GPM6B: variants seen among roughly 807,000 people sequenced by gnomAD.
GPM6B encodes glycoprotein M6B.
In GPM6B, 4 loss-of-function variants were observed where a neutral mutation model predicts 27.2. That is an observed-to-expected ratio of 0.15 (90% CI 0.07 to 0.34). The LOEUF (loss-of-function observed/expected upper bound fraction) is 0.34, where lower values mean the gene tolerates loss of function less well. GPM6B is among the 10% of genes least tolerant of loss of function. GPM6B has a pLI of 1.00. For missense variants in GPM6B, 183 were observed against 261.9 expected, an observed-to-expected ratio of 0.70 and a Z score of 2.08; for synonymous variants, 124 against 103.1, an observed-to-expected ratio of 1.20 and a Z score of -1.23.
At position 13,790,423 on chromosome X, in the gene GPM6B, G is replaced by A. The variant is rs150782529; in HGVS notation, c.182-4615C>T. Among the ~76,000 whole-genome samples the A allele has an allele frequency of 1.3e-3, 146 of 112,285 alleles. 1 individual carries two copies. Among genetic ancestry groups the A allele is most frequent in the Non-Finnish European group, 2.1e-3 (114 of 53,272 alleles). On this transcript the variant is annotated intron_variant, in intron 2 of 7. Transcript: ENST00000316715. ...GAGGAACTTGTGAGAAATAAAGAAT[G>A]TTGGAAGTGACCCCAGACTGAGTCA...
At chrX:13,887,099 G>A (rs1310514555) in intron 1 of GPM6B, among the ~76,000 whole-genome samples, 1 of 112,285 alleles carries the variant, frequency 8.9e-6, no homozygotes, top group Non-Finnish European at 1.9e-5. Context: ...GATTACAGGC[G>A]TGAGTCACTG....
chrX:13,832,149 G>C (rs1297545305), intron 1 of GPM6B, among the ~76,000 whole-genome samples: 1 of 111,486 alleles, frequency 9.0e-6, no homozygotes, highest in Non-Finnish European at 1.9e-5. Context: ...CTGGCAGGGT[G>C]GATTCAGGTG....
intron 1 of GPM6B, among the ~76,000 whole-genome samples, chrX:13,889,291 T>C (rs574439874): frequency 9.0e-6 from 1 of 111,692 alleles, no homozygotes; most frequent in Non-Finnish European, 1.9e-5. Context: ...TAAATACAAA[T>C]GTGTGGATAA....
intron 5 of GPM6B, 113 bp from the exon 6 acceptor site, chrX:13,777,538 T>C: frequency 1.9e-6 from 1 of 516,386 alleles, no homozygotes; most frequent in South Asian, 3.0e-5. Flanking sequence ...ATGTTCTTCA[T>C]TAAGAATTGA....
intron 1 of GPM6B, among the ~76,000 whole-genome samples, chrX:13,833,288 CTAT>C (rs2049458501): frequency 9.0e-6 from 1 of 111,708 alleles, no homozygotes; most frequent in Admixed American, 9.5e-5. Flanking sequence ...AATGTATTTT[CTAT>C]TTTTAGATAG....
intron 2 of GPM6B, among the ~76,000 whole-genome samples, chrX:13,793,129 A>G (rs1198690610): frequency 9.0e-6 from 1 of 110,904 alleles, no homozygotes; most frequent in East Asian, 2.8e-4. Context: ...AGAGACATTT[A>G]CAATCTATTC....
intron 1 of GPM6B, among the ~76,000 whole-genome samples, chrX:13,874,747 A>C (rs1332230918): frequency 9.0e-6 from 1 of 110,762 alleles, no homozygotes; most frequent in Non-Finnish European, 1.9e-5. Context: ...CAAAAACAAA[A>C]AAACACAGAC....
intron 2 of GPM6B, among the ~76,000 whole-genome samples, chrX:13,788,673 C>T (rs1461428934): frequency 9.1e-6 from 1 of 110,074 alleles, no homozygotes; most frequent in Non-Finnish European, 1.9e-5. Context: ...CCTTCCAAAT[C>T]CACAGTTGCC....
intron 2 of GPM6B, among the ~76,000 whole-genome samples, chrX:13,797,444 G>A (rs55989911): frequency 0.29 from 32,325 of 110,277 alleles, 3,644 homozygotes; most frequent in Non-Finnish European, 0.34. Context: ...CACAAAGGAA[G>A]GACAGCAGGA....
intron 1 of GPM6B, among the ~76,000 whole-genome samples, chrX:13,826,235 TGA>T (rs1411507469): frequency 4.5e-5 from 5 of 110,201 alleles, no homozygotes; most frequent in African/African-American, 6.6e-5. Flanking sequence ...TGAGTAGGGC[TGA>T]GTTTCCAGGG....
chrX:13,821,027 C>T (rs187676093), upstream of GPM6B, among the ~76,000 whole-genome samples: 81 of 111,121 alleles, frequency 7.3e-4, 1 homozygote, highest in Admixed American at 2.9e-3. Flanking sequence ...TCATGAAATT[C>T]GAGAAAGGTT....
At chrX:13,867,730 A>G (rs1200830058) in intron 1 of GPM6B, among the ~76,000 whole-genome samples, 1 of 111,905 alleles carries the variant, frequency 8.9e-6, no homozygotes, top group Non-Finnish European at 1.9e-5. Flanking sequence ...GGAGGACCTG[A>G]AAAGGTCATG....
intron 2 of GPM6B, among the ~76,000 whole-genome samples, chrX:13,804,428 GGGGGC>G (rs1294783468): frequency 6.3e-5 from 5 of 79,012 alleles, no homozygotes; most frequent in South Asian, 1.1e-3. Flanking sequence ...GGGGGGGGCG[GGGGGC>G]GGGGGTAGCC....
At chrX:13,879,482 T>C (rs1006278120) in intron 1 of GPM6B, among the ~76,000 whole-genome samples, 1 of 112,381 alleles carries the variant, frequency 8.9e-6, no homozygotes, top group African/African-American at 3.2e-5. Flanking sequence ...AGGGAGGATG[T>C]AATTACATCA....
intron 1 of GPM6B, among the ~76,000 whole-genome samples, chrX:13,835,155 T>C (rs753378526): frequency 8.9e-6 from 1 of 111,942 alleles, no homozygotes; most frequent in South Asian, 3.8e-4. Context: ...TGGGTCCATG[T>C]CTCATTCATT....
intron 1 of GPM6B, among the ~76,000 whole-genome samples, chrX:13,899,419 A>T (rs1479459362): frequency 1.9e-5 from 2 of 107,479 alleles, no homozygotes; most frequent in Non-Finnish European, 3.8e-5. Flanking sequence ...AAAAAAAAAA[A>T]AAAAAAAAAA....
In GPM6B at chrX:13,862,233, T is replaced by G. The variant is rs914644755; in HGVS notation, c.-198+76094A>C. On this transcript the variant is annotated intron_variant, in intron 1 of 6. Coordinates refer to the GPM6B transcript ENST00000398361. ...ACAACAACAAAAATAACGCTTCCGG[T>G]TGGTTTTCAGCTGTCACCCTTGCTT... 5.4e-5 allele frequency among the ~76,000 whole-genome samples: 6 copies of G among 111,042 alleles called. No individual in the cohort carries two copies. In the Admixed American group the frequency reaches 5.7e-4, roughly 11 times the overall value.
At chrX:13,885,393 T>C (rs2050125183) in intron 1 of GPM6B, among the ~76,000 whole-genome samples, 1 of 112,179 alleles carries the variant, frequency 8.9e-6, no homozygotes, top group Non-Finnish European at 1.9e-5. Context: ...ATCTCTCTCT[T>C]TTTTTCCTTT....
At chrX:13,938,072 C>CGGCGG (rs1482016326) in intron 1 of GPM6B, among the ~76,000 whole-genome samples, 62 of 109,815 alleles carry the variant, frequency 5.6e-4, no homozygotes, top group East Asian at 2.2e-3. Context: ...AACAGAAGCA[C>CGGCGG]GGCGGGGCGG....
Sources: allele counts gnomAD v4.1 joint callset (sites outside exome capture counted in the v4.1 genomes callset), GRCh38; gene constraint gnomAD v4.1.1; transcripts MANE v1.5; gene names NCBI Gene and HGNC (gene_info 2026-07-23, HGNC 2026-07-21).